Variants in CADM2 observed in about 807,000 individuals in gnomAD.
The protein encoded by CADM2 is cell adhesion molecule 2, also known as immunoglobulin superfamily member 4D.
A neutral mutation model predicts 49.8 loss-of-function variants in CADM2; 12 were observed. The observed-to-expected ratio is 0.24, with a 90% confidence interval of 0.15 to 0.39. The LOEUF is 0.39. Ranked by LOEUF, CADM2 falls within the 10% of genes least tolerant of loss-of-function variation. The pLI is 1.00. For synonymous variants in CADM2, 214 were observed against 175.4 expected (o/e 1.22, Z -1.74); for missense variants, 378 against 492.3 (o/e 0.77, Z 2.20).
At chr3:84,962,724 G>C (rs2030659331) in intron 1 of CADM2, among the ~76,000 whole-genome samples, 2 of 152,024 alleles carry the variant, frequency 1.3e-5, no homozygotes, top group African/African-American at 4.8e-5. Flanking sequence ...CAGCACTATA[G>C]TGATATTCAC....
At chr3:85,568,612 CT>C (rs1234630468) in intron 1 of CADM2, among the ~76,000 whole-genome samples, 5,550 of 110,872 alleles carry the variant, frequency 0.05, 451 homozygotes, top group African/African-American at 0.15. Flanking sequence ...TCCTCTCTTT[CT>C]TTTTTTTTTT....
chr3:85,102,983 G>T (rs1461021840), intron 1 of CADM2, among the ~76,000 whole-genome samples: 1 of 152,104 alleles, frequency 6.6e-6, no homozygotes, highest in Non-Finnish European at 1.5e-5. Flanking sequence ...ACAGCATACG[G>T]CTATGCACAT....
At chr3:85,092,051 T>C (rs577788228) in intron 1 of CADM2, among the ~76,000 whole-genome samples, 2 of 152,292 alleles carry the variant, frequency 1.3e-5, no homozygotes, top group African/African-American at 2.4e-5. Context: ...TTTAATTTTG[T>C]TTAATACTTA....
intron 5 of CADM2, among the ~76,000 whole-genome samples, chr3:85,886,818 TAAGTAA>T (rs1713722863): frequency 2.0e-5 from 3 of 152,178 alleles, no homozygotes; most frequent in Admixed American, 2.0e-4. Flanking sequence ...TGTACTTGTC[TAAGTAA>T]AAGTGCATAC....
At chr3:85,895,317 G>C (rs113556278) in intron 5 of CADM2, among the ~76,000 whole-genome samples, 21 of 152,328 alleles carry the variant, frequency 1.4e-4, no homozygotes, top group African/African-American at 5.1e-4. Flanking sequence ...AGAGCTTTAA[G>C]ATTTGGCTGT....
chr3:85,844,009 G>A (rs773404865), intron 3 of CADM2, among the ~76,000 whole-genome samples: 10 of 151,988 alleles, frequency 6.6e-5, no homozygotes, highest in South Asian at 2.1e-4. Flanking sequence ...CAGGCTTTAC[G>A]GATCGGTCCC....
intron 8 of CADM2, among the ~76,000 whole-genome samples, chr3:85,991,556 G>A (rs1407370889): frequency 1.3e-5 from 2 of 152,066 alleles, no homozygotes; most frequent in African/African-American, 2.4e-5. Context: ...ATAAGTTAAG[G>A]TAATGGCCTT....
chr3:85,647,619 T>C (rs2064926522), intron 1 of CADM2, among the ~76,000 whole-genome samples: 1 of 151,818 alleles, frequency 6.6e-6, no homozygotes. Context: ...TTTTTTAAAA[T>C]TGACTTTTAG....
intron 3 of CADM2, among the ~76,000 whole-genome samples, chr3:85,806,050 G>A (rs189532535): frequency 6.6e-6 from 1 of 152,210 alleles, no homozygotes; most frequent in Non-Finnish European, 1.5e-5. Flanking sequence ...ATTAGAAAAT[G>A]CAGCTGTGAT....
intron 1 of CADM2, among the ~76,000 whole-genome samples, chr3:85,387,151 A>G (rs567725632): frequency 5.3e-5 from 8 of 152,264 alleles, no homozygotes; most frequent in African/African-American, 1.9e-4. Flanking sequence ...GCAAAAAGGG[A>G]TGGAAAGCTG....
At position 85,347,639 on chromosome 3, in the gene CADM2, ACATATATATATATTTT is replaced by A. The variant is rs1559792678; in HGVS notation, c.62-378882_62-378867del. Among the ~76,000 whole-genome samples, 9 of 45,850 alleles carry A rather than the reference ACATATATATATATTTT, an allele frequency of 2.0e-4. No homozygotes were observed. In the Middle Eastern group the frequency reaches 0.043, roughly 218 times the overall value. The allele number at this position is 45,850 out of a possible 152,430, so 30.1% of individuals were successfully genotyped here. A position where few individuals can be genotyped will look rare whatever the true frequency, so the allele number is the denominator to read the frequency against. On this transcript the variant is annotated intron_variant, in intron 1 of 9. Coordinates refer to ENST00000383699, the MANE Select transcript of CADM2 (RefSeq NM_001167675.2). Reference sequence around the variant, plus strand: ...TATATACATATATATAAATATATATACATATATATATATTTTTTTTAAGATGCAGTCTTACTCTGTC... The same window carrying A: ...TATATACATATATATAAATATATATATTTTAAGATGCAGTCTTACTCTGTC...
chr3:85,778,386 T>G (rs1239967762), intron 2 of CADM2, among the ~76,000 whole-genome samples: 7 of 152,154 alleles, frequency 4.6e-5, no homozygotes, highest in Admixed American at 2.6e-4. Context: ...AATTTCACCT[T>G]GAATTGTAAT....
At chr3:85,241,567 A>G (rs1379103836) in intron 1 of CADM2, among the ~76,000 whole-genome samples, 1 of 151,538 alleles carries the variant, frequency 6.6e-6, no homozygotes, top group African/African-American at 2.4e-5. Flanking sequence ...ATGGAAAAAA[A>G]AATCATAGTC....
At chr3:85,411,163 T>A (rs1244434857) in intron 1 of CADM2, among the ~76,000 whole-genome samples, 1 of 152,178 alleles carries the variant, frequency 6.6e-6, no homozygotes, top group Non-Finnish European at 1.5e-5. Context: ...ACTGATCTAT[T>A]GTGTGGTGGC....
chr3:85,259,808 A>G (rs1440115863), intron 1 of CADM2, among the ~76,000 whole-genome samples: 2 of 152,122 alleles, frequency 1.3e-5, no homozygotes, highest in Non-Finnish European at 2.9e-5. Context: ...ATCACTGACT[A>G]TAGATTTCCA....
intron 8 of CADM2, among the ~76,000 whole-genome samples, chr3:85,978,327 TC>T (rs1187311728): frequency 6.6e-6 from 1 of 151,670 alleles, no homozygotes; most frequent in Admixed American, 6.6e-5. Context: ...TTTTATTTTT[TC>T]TGTATTTGAA....
rs201900821 is a variant in CADM2, at chr3:85,959,064, C to A, written c.792-2405C>A. On this transcript the variant is annotated intron_variant, in intron 7 of 9. Transcript: ENST00000383699. ...TATCTATATATCTATATATCTATAT[C>A]TATATATCTATATAGCTATATCTAT... Among the ~76,000 whole-genome samples, 6 of 98,798 alleles carry A rather than the reference C, an allele frequency of 6.1e-5. No homozygotes were observed. The South Asian group carries it at 9.3e-4, about 15-fold the overall frequency. 64.8% of individuals were successfully genotyped at this position (98,798 alleles called of 152,430 possible). A position where few individuals can be genotyped will look rare whatever the true frequency, so the allele number is the denominator to read the frequency against.
chr3:85,291,744 A>G (rs1228477345), intron 1 of CADM2, among the ~76,000 whole-genome samples: 1 of 147,760 alleles, frequency 6.8e-6, no homozygotes, highest in Non-Finnish European at 1.5e-5. Flanking sequence ...ATGCTGAGAG[A>G]TTTTGTCACC....
At chr3:85,315,382 G>T (rs1037327882) in intron 1 of CADM2, among the ~76,000 whole-genome samples, 8 of 152,080 alleles carry the variant, frequency 5.3e-5, no homozygotes, top group African/African-American at 1.9e-4. Context: ...AGTATCGGGG[G>T]TTAAAAGTTT....
Sources: allele counts gnomAD v4.1 joint callset (sites outside exome capture counted in the v4.1 genomes callset), GRCh38; gene constraint gnomAD v4.1.1; transcripts MANE v1.5; gene names NCBI Gene and HGNC (gene_info 2026-07-23, HGNC 2026-07-21).